CAMK2D: variants seen among roughly 807,000 people sequenced by gnomAD.
The protein encoded by CAMK2D is calcium/calmodulin dependent protein kinase II delta, also known as calcium/calmodulin-dependent protein kinase type II subunit delta.
In CAMK2D, 37 loss-of-function variants were observed where a neutral mutation model predicts 84.0. That is an observed-to-expected ratio of 0.44 (90% CI 0.34 to 0.58). The LOEUF is 0.58. Ranked by LOEUF, CAMK2D falls within the 20% of genes least tolerant of loss-of-function variation. The pLI is 0.02. For missense variants in CAMK2D, 448 were observed against 652.5 expected, an observed-to-expected ratio of 0.69 and a Z score of 3.41; for synonymous variants, 202 against 212.5, an observed-to-expected ratio of 0.95 and a Z score of 0.43.
chr4:113,737,586 A>T (rs1431845403), intron 2 of CAMK2D, among the ~76,000 whole-genome samples: 2 of 152,184 alleles, frequency 1.3e-5, no homozygotes, highest in Non-Finnish European at 2.9e-5. Context: ...GACGATGTGA[A>T]TATACTTAAT....
At chr4:113,531,873 A>G (rs1488242961) in intron 7 of CAMK2D, among the ~76,000 whole-genome samples, 1 of 152,208 alleles carries the variant, frequency 6.6e-6, no homozygotes, top group Non-Finnish European at 1.5e-5. Context: ...ACATATTGGT[A>G]TAGAATTCAA....
At chr4:113,629,458 A>G (rs1242778569) in intron 3 of CAMK2D, among the ~76,000 whole-genome samples, 2 of 152,124 alleles carry the variant, frequency 1.3e-5, no homozygotes, top group Non-Finnish European at 2.9e-5. Context: ...TACATTCCAT[A>G]CAGTGACTCA....
In CAMK2D at chr4:113,543,954, G is replaced by A. The variant is rs544347405; in HGVS notation, c.414+3690C>T. On this transcript the variant is annotated intron_variant, in intron 6 of 20. Coordinates refer to ENST00000511664, the MANE Select transcript of CAMK2D (RefSeq NM_001321571.2). ...CTATAGGCGCCCGCCACCACGCCCC[G>A]CTAATTTTTTGTATTTTTAGTAGTG... Among the ~76,000 whole-genome samples, 71 of 151,880 alleles carry A rather than the reference G, an allele frequency of 4.7e-4. 2 individuals are homozygous for A. In the South Asian group the frequency reaches 8.7e-3, roughly 19 times the overall value.
intron 2 of CAMK2D, among the ~76,000 whole-genome samples, chr4:113,756,176 T>G (rs979992087): frequency 6.6e-6 from 1 of 151,960 alleles, no homozygotes; most frequent in African/African-American, 2.4e-5. Flanking sequence ...GGAAATCCAT[T>G]AAAATCTAGG....
At position 113,568,603 on chromosome 4, in the gene CAMK2D, C is replaced by T. The variant is rs6820520; in HGVS notation, c.276-16507G>A. Among the ~76,000 whole-genome samples, 1,276 of 152,264 alleles carry T rather than the reference C, an allele frequency of 8.4e-3. 24 individuals are homozygous for T. Among genetic ancestry groups the T allele is most frequent in the African/African-American group, 0.029 (1,215 of 41,558 alleles). Reference sequence around the variant, plus strand: ...TGGTATATACTGAGAAGTTAAATTGCTAGATCATACGGTAATTCTATGTTT... The same window carrying T: ...TGGTATATACTGAGAAGTTAAATTGTTAGATCATACGGTAATTCTATGTTT... On this transcript the variant is annotated intron_variant, in intron 4 of 20. Coordinates refer to ENST00000511664, the MANE Select transcript of CAMK2D (RefSeq NM_001321571.2).
At chr4:113,535,604 G>C (rs561699379) in intron 7 of CAMK2D, among the ~76,000 whole-genome samples, 1 of 152,260 alleles carries the variant, frequency 6.6e-6, no homozygotes, top group South Asian at 2.1e-4. Flanking sequence ...ACTCACTCGA[G>C]TATACTTTAG....
intron 4 of CAMK2D, among the ~76,000 whole-genome samples, chr4:113,598,023 T>C (rs1294133393): frequency 6.6e-6 from 1 of 152,152 alleles, no homozygotes; most frequent in Non-Finnish European, 1.5e-5. Flanking sequence ...TTTTGATATA[T>C]ACTAACCAAT....
chr4:113,513,537 C>T (rs968217583), intron 11 of CAMK2D, among the ~76,000 whole-genome samples, 167 bp from the exon 12 acceptor site: 6 of 152,094 alleles, frequency 3.9e-5, no homozygotes, highest in Non-Finnish European at 7.4e-5. Flanking sequence ...AGGCCTTTGT[C>T]TCTCATGATG....
intron 2 of CAMK2D, among the ~76,000 whole-genome samples, chr4:113,729,203 A>G (rs569259247): frequency 6.6e-6 from 1 of 152,164 alleles, no homozygotes; most frequent in Non-Finnish European, 1.5e-5. Flanking sequence ...CAGTTCTTAC[A>G]TCTTTCCTTA....
chr4:113,548,553 T>C (rs964135272), intron 5 of CAMK2D: 1 of 580,944 alleles, frequency 1.7e-6, no homozygotes, highest in Non-Finnish European at 3.0e-6. Context: ...TAGAAACAAG[T>C]TGGGAAAGGC....
chr4:113,704,003 C>T (rs1164973563), intron 2 of CAMK2D, among the ~76,000 whole-genome samples: 1 of 148,158 alleles, frequency 6.7e-6, no homozygotes, highest in Non-Finnish European at 1.5e-5. Context: ...ACCTGAAAAC[C>T]TTTTTGCTTG....
At chr4:113,650,174 T>C (rs1389883976) in intron 3 of CAMK2D, among the ~76,000 whole-genome samples, 1 of 152,064 alleles carries the variant, frequency 6.6e-6, no homozygotes, top group East Asian at 1.9e-4. Context: ...TAATATAATT[T>C]CCTTTAATTC....
intron 2 of CAMK2D, among the ~76,000 whole-genome samples, chr4:113,717,114 GGATATGTTTTTTCT>G (rs1351324961): frequency 6.6e-6 from 1 of 152,010 alleles, no homozygotes; most frequent in African/African-American, 2.4e-5. Context: ...TAAGCCACTG[GGATATGTTTTTTCT>G]GTCCCTCTCA....
chr4:113,499,422 G>T (rs1026238279), intron 16 of CAMK2D, among the ~76,000 whole-genome samples: 3 of 152,164 alleles, frequency 2.0e-5, no homozygotes, highest in Non-Finnish European at 4.4e-5. Context: ...AGTCAGCAGA[G>T]CTGACTGCCA....
chr4:113,728,203 G>T (rs538953433), intron 2 of CAMK2D, among the ~76,000 whole-genome samples: 7 of 152,236 alleles, frequency 4.6e-5, no homozygotes, highest in African/African-American at 1.7e-4. Context: ...GTACATATAT[G>T]CTCATAGCTG....
intron 16 of CAMK2D, among the ~76,000 whole-genome samples, chr4:113,477,366 T>C (rs1466164023): frequency 6.6e-6 from 1 of 152,196 alleles, no homozygotes; most frequent in South Asian, 2.1e-4. Context: ...ATACCTCACA[T>C]TGGTACTGTA....
intron 5 of CAMK2D, chr4:113,548,856 T>G: frequency 3.6e-6 from 2 of 559,990 alleles, no homozygotes; most frequent in Non-Finnish European, 6.3e-6. Context: ...TCTTCACTTT[T>G]TTTAGCTTTA....
At chr4:113,569,508 T>C (rs577595292) in intron 4 of CAMK2D, among the ~76,000 whole-genome samples, 3 of 152,356 alleles carry the variant, frequency 2.0e-5, no homozygotes, top group African/African-American at 7.2e-5. Context: ...GAAAGGACCA[T>C]GTACAACTTG....
At chr4:113,741,567 C>A (rs2099593045) in intron 2 of CAMK2D, among the ~76,000 whole-genome samples, 1 of 152,064 alleles carries the variant, frequency 6.6e-6, no homozygotes, top group Non-Finnish European at 1.5e-5. Flanking sequence ...AACGTATCCC[C>A]CAGAGACAAG....
Sources: gnomAD v4.1 joint callset for allele counts (sites outside exome capture counted in the v4.1 genomes callset) on GRCh38, gnomAD v4.1.1 for gene constraint, MANE v1.5 for transcripts, NCBI Gene and HGNC (gene_info 2026-07-23, HGNC 2026-07-21) for gene names.